SPATA7: variants seen among roughly 807,000 people sequenced by gnomAD.
SPATA7 encodes the protein spermatogenesis associated 7, also known as spermatogenesis-associated protein 7.
In SPATA7, 43 loss-of-function variants were observed where a neutral mutation model predicts 51.8. That is an observed-to-expected ratio of 0.83 (90% CI 0.65 to 1.07). SPATA7 has a LOEUF of 1.07. Among genes scored for constraint, SPATA7 ranks in the 50% least tolerant of loss-of-function variants. SPATA7 has a pLI of 0.00. For synonymous variants in SPATA7, 230 were observed against 252.8 expected (o/e 0.91, Z 0.86); for missense variants, 683 against 701.3 (o/e 0.97, Z 0.30).
chr14:88,386,263 C>G (rs536905846), intron 1 of SPATA7, among the ~76,000 whole-genome samples: 1 of 152,190 alleles, frequency 6.6e-6, no homozygotes, highest in East Asian at 1.9e-4. Context: ...CCATGGAGTT[C>G]TTGAGGATTA....
intron 4 of SPATA7, among the ~76,000 whole-genome samples, chr14:88,468,666 T>C (rs1434716074): frequency 6.6e-6 from 1 of 152,132 alleles, no homozygotes; most frequent in Non-Finnish European, 1.5e-5. Flanking sequence ...AGCTCAAATT[T>C]GAAAAACCCT....
At chr14:88,455,694 A>G (rs2077279530), downstream of SPATA7, among the ~76,000 whole-genome samples, 1 of 152,090 alleles carries the variant, frequency 6.6e-6, no homozygotes, top group Non-Finnish European at 1.5e-5. Flanking sequence ...TTTTACATGA[A>G]TAATTTTATT....
chr14:88,457,511 A>G (rs1179880858), downstream of SPATA7, among the ~76,000 whole-genome samples: 1 of 152,146 alleles, frequency 6.6e-6, no homozygotes, highest in Non-Finnish European at 1.5e-5. Flanking sequence ...TTCACTCATG[A>G]TGTGGCTCTC....
intron 4 of SPATA7, chr14:88,467,177 A>ACT (rs1201685616): frequency 6.6e-6 from 1 of 150,968 alleles, no homozygotes; most frequent in Admixed American, 6.6e-5. Flanking sequence ...CATCTTACAT[A>ACT]CTCTTAGTCC....
chr14:88,386,571 T>G (rs2075584423), intron 1 of SPATA7, among the ~76,000 whole-genome samples: 1 of 152,152 alleles, frequency 6.6e-6, no homozygotes, highest in South Asian at 2.1e-4. Flanking sequence ...CTCTACTGAT[T>G]TCTTGAGTCA....
At chr14:88,391,111 A>C (rs1245089655) in intron 1 of SPATA7, among the ~76,000 whole-genome samples, 1 of 152,112 alleles carries the variant, frequency 6.6e-6, no homozygotes, top group African/African-American at 2.4e-5. Context: ...TATAGCTTTT[A>C]ACAGCCCACC....
rs138738106 is a variant in SPATA7 at position 88,423,497 on chromosome 14, A to G, written c.373-2735A>G. Among the ~76,000 whole-genome samples the G allele has an allele frequency of 6.6e-3, 1,006 of 151,880 alleles. 5 individuals carry two copies. Among genetic ancestry groups the G allele is most frequent in the African/African-American group, 0.023 (952 of 41,404 alleles). The stretch of plus-strand genomic sequence containing the variant: ...ATTGAGCCCAGGAGGTCGTGGCTGC[A>G]GTGAGCCATGATCAGGCCACTGCAC... On this transcript the variant is annotated intron_variant, in intron 5 of 11. Transcript: ENST00000393545.
chr14:88,437,522 A>AT, intron 10 of SPATA7, 21 bp from the exon 11 acceptor site: 1 of 1,578,360 alleles, frequency 6.3e-7, no homozygotes, highest in Non-Finnish European at 8.7e-7. Flanking sequence ...AGACATTAAC[A>AT]TTTTTGTTTA....
intron 4 of SPATA7, among the ~76,000 whole-genome samples, chr14:88,403,736 G>C (rs888014968): frequency 1.3e-5 from 2 of 152,166 alleles, no homozygotes; most frequent in East Asian, 3.9e-4. Context: ...GAAGTTGCCA[G>C]GGGCTACAGG....
rs114070086 is a variant in SPATA7, at chr14:88,430,666, A to T, written c.1029-506A>T. Among the ~76,000 whole-genome samples, 534 of 152,270 alleles carry T rather than the reference A, an allele frequency of 3.5e-3. 3 individuals are homozygous for T. The highest frequency in any genetic ancestry group is 0.012 in the African/African-American group (489 of 41,576). Reference sequence around the variant, plus strand: ...AGTGCCGTAGTGTAGTTTTAAAAAGAATTGTGAATTTATACCTAGAAAAGT... The same window carrying T: ...AGTGCCGTAGTGTAGTTTTAAAAAGTATTGTGAATTTATACCTAGAAAAGT... On this transcript the variant is annotated intron_variant, in intron 8 of 11. Transcript: ENST00000393545.
At chr14:88,407,761 A>G (rs1359774622) in intron 4 of SPATA7, among the ~76,000 whole-genome samples, 2 of 152,128 alleles carry the variant, frequency 1.3e-5, no homozygotes, top group African/African-American at 2.4e-5. Context: ...TAAGTCTTTA[A>G]TCCATCTTGA....
intron 4 of SPATA7, 40 bp downstream of exon 4, chr14:88,396,243 A>T (rs1158732725): frequency 6.9e-7 from 1 of 1,439,534 alleles, no homozygotes; most frequent in Admixed American, 1.7e-5. Flanking sequence ...TTAAAAAAAA[A>T]TTAAGGTAAA....
chr14:88,443,005 G>A (rs894047536), downstream of SPATA7, among the ~76,000 whole-genome samples: 8 of 148,572 alleles, frequency 5.4e-5, no homozygotes, highest in African/African-American at 1.7e-4. Flanking sequence ...GCAGTGGTGC[G>A]ATCTCAGCTC....
chr14:88,461,971 T>C (rs1210494732), intron 4 of SPATA7, among the ~76,000 whole-genome samples: 1 of 152,214 alleles, frequency 6.6e-6, no homozygotes, highest in Non-Finnish European at 1.5e-5. Flanking sequence ...TTGTTGTCTC[T>C]GGAGAATATT....
At chr14:88,448,450 G>C (rs2077229025) in intron 3 of SPATA7, among the ~76,000 whole-genome samples, 1 of 152,182 alleles carries the variant, frequency 6.6e-6, no homozygotes, top group Admixed American at 6.5e-5. Flanking sequence ...GTAGCTCGGA[G>C]TAATTTGATC....
intron 4 of SPATA7, among the ~76,000 whole-genome samples, chr14:88,462,268 A>G (rs2077322578): frequency 6.6e-6 from 1 of 152,202 alleles, no homozygotes; most frequent in Non-Finnish European, 1.5e-5. Context: ...GAATACGTTT[A>G]TATTCCCTGT....
intron 3 of SPATA7, among the ~76,000 whole-genome samples, chr14:88,445,248 T>C (rs1349442018): frequency 2.7e-5 from 4 of 149,732 alleles, no homozygotes; most frequent in Admixed American, 1.3e-4. Context: ...TTTGAAGCAA[T>C]TGTGAATGGG....
At chr14:88,388,887 C>T (rs1446330527) in intron 1 of SPATA7, among the ~76,000 whole-genome samples, 1 of 152,062 alleles carries the variant, frequency 6.6e-6, no homozygotes, top group Non-Finnish European at 1.5e-5. Context: ...GTGCACTTGC[C>T]CAAAGCTTCA....
intron 10 of SPATA7, among the ~76,000 whole-genome samples, chr14:88,433,682 G>A (rs1451126425): frequency 6.6e-6 from 1 of 152,138 alleles, no homozygotes; most frequent in Non-Finnish European, 1.5e-5. Flanking sequence ...CTATTGCATA[G>A]CTTAAGGAAA....
Sources: gnomAD v4.1 joint callset for allele counts (sites outside exome capture counted in the v4.1 genomes callset) on GRCh38, gnomAD v4.1.1 for gene constraint, MANE v1.5 for transcripts, NCBI Gene and HGNC (gene_info 2026-07-23, HGNC 2026-07-21) for gene names.